MMP20: variants seen among roughly 807,000 people sequenced by gnomAD.
MMP20 encodes the protein matrix metalloproteinase-20.
In MMP20, 50 loss-of-function variants were observed where a neutral mutation model predicts 51.8. The observed-to-expected ratio is 0.97, with a 90% CI of 0.77 to 1.22. The LOEUF (loss-of-function observed/expected upper bound fraction) is 1.22, where lower values mean the gene tolerates loss of function less well. Among genes scored for constraint, MMP20 ranks in the 50% most tolerant of loss-of-function variants. The pLI, the probability that MMP20 is intolerant of heterozygous loss-of-function variation, is 0.00. For synonymous variants in MMP20, 244 were observed against 216.2 expected (o/e 1.13, Z -1.13); for missense variants, 663 against 601.4 (o/e 1.10, Z -1.07).
Position 102,617,082 on chromosome 11 carries a change from C to T in MMP20, c.127-23G>A, listed in dbSNP as rs17099087. On this transcript the variant is annotated intron_variant, in intron 1 of 9. Transcript: ENST00000260228. Reference sequence around the variant, plus strand: ...CGCCTGAAATGGAGAGGCAGGCTGACGCGTCTACAGCGTAGTCTGGGAAAT... The same window carrying T: ...CGCCTGAAATGGAGAGGCAGGCTGATGCGTCTACAGCGTAGTCTGGGAAAT... 2,065 of 1,614,030 alleles carry T rather than the reference C, an allele frequency of 1.3e-3. 30 individuals carry two copies. The African/African-American group carries it at 0.024, about 19-fold the overall frequency.
intron 1 of MMP20, among the ~76,000 whole-genome samples, chr11:102,619,587 C>CA (rs1026895473): frequency 1.5e-4 from 22 of 151,430 alleles, no homozygotes; most frequent in Non-Finnish European, 8.8e-5. Context: ...AAATAAATGC[C>CA]AAAAAAATCC....
At chr11:102,584,101 C>T (rs572328710) in intron 8 of MMP20, among the ~76,000 whole-genome samples, 1 of 152,224 alleles carries the variant, frequency 6.6e-6, no homozygotes, top group African/African-American at 2.4e-5. Context: ...TTGTATACAG[C>T]TATTATGTGG....
chr11:102,619,899 GA>G (rs1859726797), intron 1 of MMP20, among the ~76,000 whole-genome samples: 1 of 152,080 alleles, frequency 6.6e-6, no homozygotes, highest in Admixed American at 6.5e-5. Context: ...AGGCAGGATT[GA>G]AATAGTACCT....
At chr11:102,599,422 T>A (rs1309781986) in intron 6 of MMP20, among the ~76,000 whole-genome samples, 1 of 152,234 alleles carries the variant, frequency 6.6e-6, no homozygotes, top group East Asian at 1.9e-4. Flanking sequence ...GTTTTATAAC[T>A]GGCTGTGTGA....
intron 4 of MMP20, 80 bp downstream of exon 4, chr11:102,609,825 C>T (rs376132001): frequency 4.9e-5 from 78 of 1,597,598 alleles, no homozygotes; most frequent in Admixed American, 8.3e-5. Context: ...TGGCTTGGGA[C>T]GTTGAACCTC....
At chr11:102,606,774 G>T in intron 5 of MMP20, 98 bp from the exon 6 acceptor site, 1 of 1,398,042 alleles carries the variant, frequency 7.2e-7, no homozygotes, top group Non-Finnish European at 1.0e-6. Flanking sequence ...CTTTCACGCT[G>T]GACATGTGAT....
chr11:102,587,234 T>TA (rs1404514480), intron 8 of MMP20, among the ~76,000 whole-genome samples: 2 of 152,242 alleles, frequency 1.3e-5, no homozygotes, highest in Non-Finnish European at 2.9e-5. Flanking sequence ...GTATGTTGTT[T>TA]AATTTCCACA....
At chr11:102,603,396 C>T (rs1458282327) in intron 6 of MMP20, among the ~76,000 whole-genome samples, 1 of 152,170 alleles carries the variant, frequency 6.6e-6, no homozygotes, top group Non-Finnish European at 1.5e-5. Context: ...CAGCTCTGGA[C>T]AGCACCTTAG....
At chr11:102,579,416 G>A (rs752344011) in intron 8 of MMP20, among the ~76,000 whole-genome samples, 4 of 151,716 alleles carry the variant, frequency 2.6e-5, no homozygotes, top group Non-Finnish European at 5.9e-5. Context: ...AGGCTCAAGC[G>A]ATCCTCCTGT....
In MMP20 at chr11:102,606,612, G is replaced by A; in HGVS notation, c.876C>T (p.Ile292=). The A allele has an allele frequency of 1.2e-6, 2 of 1,614,012 alleles. No homozygotes were observed. Among genetic ancestry groups the A allele is most frequent in the Non-Finnish European group, 1.7e-6 (2 of 1,179,892 alleles). ...ATGAGCTGGAGTCACAGAGGTCAGG[G>A]ATGGATGGCTTGTGATGGGGGGCAT... ...LPHAPHHKPS[I]PDLCDSSSSF... is the part of the protein sequence containing the mutation. The change falls in exon 6 of 10, where the codon ATC becomes ATT. Residue 292 remains isoleucine, a synonymous_variant. Coordinates refer to ENST00000260228, the MANE Select transcript of MMP20 (RefSeq NM_004771.4).
Position 102,594,650 on chromosome 11 carries a change from G to A in MMP20, c.1061C>T (p.Ala354Val), listed in dbSNP as rs1163535261. 6.2e-7 allele frequency: 1 copy of A among 1,613,642 alleles called. No homozygotes were observed. The highest frequency in any genetic ancestry group is 8.5e-7 in the Non-Finnish European group (1 of 1,179,958). ...GAAGAAGTAAGCAGTGCCCCTCTCA[G>A]CCACTTCGTAAGCTGCATCCACATT... ...MSNVDAAYEV[A>V]ERGTAYFFKG... Residue 354 changes from alanine to valine, a missense_variant, in exon 7 of 10, where the codon GCT (alanine) becomes GTT (valine). Coordinates refer to ENST00000260228, the MANE Select transcript of MMP20 (RefSeq NM_004771.4).
At chr11:102,613,926 G>T (rs1408104171) in intron 2 of MMP20, among the ~76,000 whole-genome samples, 1 of 152,218 alleles carries the variant, frequency 6.6e-6, no homozygotes, top group Non-Finnish European at 1.5e-5. Flanking sequence ...TCTTTGAGCT[G>T]ACTTTGTGTG....
chr11:102,580,030 A>C (rs767098235), intron 8 of MMP20, among the ~76,000 whole-genome samples: 1 of 152,256 alleles, frequency 6.6e-6, no homozygotes, highest in South Asian at 2.1e-4. Flanking sequence ...ATAAGAAGCA[A>C]GTAAATATGT....
intron 7 of MMP20, 50 bp downstream of exon 7, chr11:102,594,571 T>TG (rs1859357032): frequency 6.2e-7 from 1 of 1,608,510 alleles, no homozygotes; most frequent in African/African-American, 1.3e-5. Flanking sequence ...GCCAAATGAA[T>TG]GGGGCACTGC....
chr11:102,612,059 C>A (rs897534436), intron 2 of MMP20, among the ~76,000 whole-genome samples, 156 bp from the exon 3 acceptor site: 2 of 152,168 alleles, frequency 1.3e-5, no homozygotes, highest in Non-Finnish European at 2.9e-5. Context: ...TGTTAAATTT[C>A]TGCATATGAA....
At chr11:102,588,460 C>T (rs1245717738) in intron 8 of MMP20, among the ~76,000 whole-genome samples, 1 of 152,020 alleles carries the variant, frequency 6.6e-6, no homozygotes, top group Non-Finnish European at 1.5e-5. Flanking sequence ...ATTTTAGTTA[C>T]CATCTAGTGT....
chr11:102,615,711 T>C (rs996910473), intron 2 of MMP20, among the ~76,000 whole-genome samples: 3 of 152,198 alleles, frequency 2.0e-5, no homozygotes. Context: ...CACTAGGCAC[T>C]TGTGGTGGGA....
At chr11:102,609,182 C>A (rs904484103) in intron 4 of MMP20, 84 bp from the exon 5 acceptor site, 11 of 1,234,262 alleles carry the variant, frequency 8.9e-6, no homozygotes, top group Middle Eastern at 1.9e-4. Context: ...TAATTTATGC[C>A]CACATTACAG....
At chr11:102,618,526 C>G (rs542009715) in intron 1 of MMP20, among the ~76,000 whole-genome samples, 4 of 151,662 alleles carry the variant, frequency 2.6e-5, no homozygotes, top group Non-Finnish European at 4.4e-5. Flanking sequence ...TGAGACAGTA[C>G]TAGGCCTCTA....
Sources: gnomAD v4.1 joint callset for allele counts (sites outside exome capture counted in the v4.1 genomes callset) on GRCh38, gnomAD v4.1.1 for gene constraint, MANE v1.5 for transcripts, NCBI Gene and HGNC (gene_info 2026-07-23, HGNC 2026-07-21) for gene names.